The following AHNAK2 variants were observed in gnomAD, a reference collection of about 807,000 sequenced individuals.
AHNAK2 encodes AHNAK nucleoprotein 2.
Under a neutral mutation model 30.7 loss-of-function variants are expected in AHNAK2, and 18 were observed. The observed-to-expected ratio is 0.59, with a 90% CI of 0.41 to 0.87. The LOEUF (loss-of-function observed/expected upper bound fraction) is 0.87, where lower values mean the gene tolerates loss of function less well. Among genes scored for constraint, AHNAK2 ranks in the 40% least tolerant of loss-of-function variants. The probability of loss-of-function intolerance (pLI) is 0.00; values close to 1 mark genes in which losing one functional copy is unlikely to be tolerated. For synonymous variants in AHNAK2, 3,590 were observed against 3,073.8 expected (o/e 1.17, Z -5.56); for missense variants, 8,604 against 7,373.0 (o/e 1.17, Z -6.11).
chr14:104,977,069 CCAGA>C (rs200417954), intron 1 of AHNAK2, among the ~76,000 whole-genome samples: 2,498 of 152,284 alleles, frequency 0.016, 26 homozygotes, highest in Middle Eastern at 0.027. Context: ...TAAGTGCGCA[CCAGA>C]CAGACAGGCC....
In AHNAK2 at chr14:104,947,426, C is replaced by T. The variant is rs558272382; in HGVS notation, c.8025G>A (p.Glu2675=). The change falls in exon 7 of 7, where the codon GAG becomes GAA. Residue 2675 remains glutamate, a synonymous_variant. Coordinates refer to ENST00000333244, the MANE Select transcript of AHNAK2 (RefSeq NM_138420.4). Reference sequence around the variant, plus strand: ...GGCTCATGTCGGCTTCCACCTTCAGCTCAGACACATCCACCAACGCCTCGA... The same window carrying T: ...GGCTCATGTCGGCTTCCACCTTCAGTTCAGACACATCCACCAACGCCTCGA... ...ESIEALVDVS[E]LKVEADMSLP... 44 of 1,612,646 alleles carry T rather than the reference C, an allele frequency of 2.7e-5. 1 individual carries two copies. The South Asian group carries it at 3.1e-4, about 11-fold the overall frequency.
Position 104,951,524 on chromosome 14 carries a change from C to G in AHNAK2, c.3927G>C (p.Gln1309His), listed in dbSNP as rs1898711122. The G allele has an allele frequency of 8.0e-7, 1 of 1,248,234 alleles. No homozygotes were observed. Among genetic ancestry groups the G allele is most frequent in the Non-Finnish European group, 1.1e-6 (1 of 881,414 alleles). 77.3% of individuals were successfully genotyped at this position (1,248,234 alleles called of 1,614,324 possible). Residue 1309 changes from glutamine (Q) to histidine (H), a missense_variant, in exon 7 of 7, where the codon CAG becomes CAC. Gln to His is a conservative substitution (Grantham distance 24, BLOSUM62 0). Transcript: ENST00000333244. ...QAPGAKLDGA[Q>H]LDGDLSLADK... ...CAGCCAGGGACAGGTCCCCGTCCAG[C>G]TGTGCGCCATCCAACTTGGCTCCCG...
At chr14:104,973,594 G>A (rs1899528969) in intron 1 of AHNAK2, among the ~76,000 whole-genome samples, 1 of 152,152 alleles carries the variant, frequency 6.6e-6, no homozygotes, top group Non-Finnish European at 1.5e-5. Context: ...GCCCAGTAAG[G>A]GTCCCCCAAG....
In AHNAK2 at chr14:104,950,672, C is replaced by G. The variant is rs2013457; in HGVS notation, c.4779G>C (p.Gly1593=). The G allele has an allele frequency of 1.1e-3, 1,718 of 1,580,352 alleles. 208 individuals carry two copies. Among genetic ancestry groups the G allele is most frequent in the South Asian group, 6.2e-3 (553 of 89,062 alleles). ...TGGGGCCCTTAACATCTATCTGGGG[C>G]CCCTTGAGGTCCACTTTGGGCATCT... ...SFKMPKVDLK[G]PQIDVKGPKL... Residue 1593 remains glycine (G), a synonymous_variant, in exon 7 of 7, where the codon GGG becomes GGC. Transcript: ENST00000333244.
In AHNAK2 at chr14:104,952,908, G is replaced by C. The variant is rs748446038; in HGVS notation, c.2543C>G (p.Pro848Arg). 6.2e-7 allele frequency: 1 copy of C among 1,611,896 alleles called. No homozygotes were observed. Residue 848 changes from proline (P) to arginine (R), a missense_variant, in exon 7 of 7, where the codon CCA (proline) becomes CGA (arginine). Physicochemically the swap from Pro to Arg is moderately radical, Grantham distance 103. Coordinates refer to ENST00000333244, the MANE Select transcript of AHNAK2 (RefSeq NM_138420.4). The stretch of plus-strand genomic sequence containing the variant: ...CACCGAGTCCTCCATGGACTTGCCT[G>C]GGGCCGACACCCCGAATGATGGCAT... The part of the protein sequence containing the change: ...FKMPSFGVSA[P>R]GKSMEDSVDV...
rs745777927 is a variant in AHNAK2 at position 104,946,304 on chromosome 14, G to A, written c.9147C>T (p.Gly3049=). ...TGAGGCCAGCTCCCTCGGGAACGTG[G>A]CCCTCTGGGAGCTTCAGGTCCACCT... ...AGQVDLKLPE[G]HVPEGAGLKG... Residue 3049 remains glycine, a synonymous_variant, in exon 7 of 7, where the codon GGC becomes GGT. Transcript: ENST00000333244. The A allele has an allele frequency of 4.3e-6, 7 of 1,612,122 alleles. No homozygotes were observed. In the South Asian group the frequency reaches 7.7e-5, roughly 18 times the overall value.
chr14:104,957,592 AC>A, intron 2 of AHNAK2, 21 bp downstream of exon 2: 1 of 1,607,684 alleles, frequency 6.2e-7, no homozygotes, highest in East Asian at 2.2e-5. Context: ...AGGAGGACAC[AC>A]TTCCTCCTGC....
intron 1 of AHNAK2, among the ~76,000 whole-genome samples, chr14:104,961,610 G>T (rs887383937): frequency 2.0e-5 from 3 of 151,924 alleles, no homozygotes; most frequent in African/African-American, 7.2e-5. Context: ...AAATATTCAG[G>T]GTATAAAGCA....
In AHNAK2 at chr14:104,974,597, G is replaced by A. The variant is rs900799424; in HGVS notation, c.55+3586C>T. ...TTCTGTGCCCCCTAAGGCTGCACTGGCCACAAAAATGGGATTCACATTTGT... is the reference window on the plus strand; with the variant it reads ...TTCTGTGCCCCCTAAGGCTGCACTGACCACAAAAATGGGATTCACATTTGT... On this transcript the variant is annotated intron_variant, in intron 1 of 6. Coordinates refer to ENST00000333244, the MANE Select transcript of AHNAK2 (RefSeq NM_138420.4). 2.0e-5 allele frequency among the ~76,000 whole-genome samples: 3 copies of A among 152,218 alleles called. No individual in the cohort carries two copies. In the East Asian group the frequency reaches 5.8e-4, roughly 29 times the overall value.
Position 104,941,444 on chromosome 14 carries a change from T to C in AHNAK2, c.14007A>G (p.Glu4669=). 1 of 1,612,724 alleles carries C rather than the reference T, an allele frequency of 6.2e-7. No individual in the cohort carries two copies. Among genetic ancestry groups the C allele is most frequent in the African/African-American group, 1.3e-5 (1 of 75,046 alleles). The stretch of plus-strand genomic sequence containing the variant: ...GAAGATCACCTTCATGAACAACAGA[T>C]TCCACAATGGGAAATGTGGAAGTCT... The part of the protein sequence containing the change: ...HEKTSTFPIV[E]SVVHEGDLHD... Residue 4669 remains glutamate (E), a synonymous_variant, in exon 7 of 7, where the codon GAA becomes GAG. Coordinates refer to ENST00000333244, the MANE Select transcript of AHNAK2 (RefSeq NM_138420.4).
In AHNAK2 at chr14:104,978,315, G is replaced by A. The variant is rs953304811; in HGVS notation, c.-78C>T. On this transcript the variant is annotated 5_prime_UTR_variant, in exon 1 of 7. Transcript: ENST00000333244. Reference sequence around the variant, plus strand: ...CCCGGCTCCGGCGCACGGGGCGGGCGGGCGGGAGCCGCGCTCTGCCCCGCT... The same window carrying A: ...CCCGGCTCCGGCGCACGGGGCGGGCAGGCGGGAGCCGCGCTCTGCCCCGCT... 3.4e-6 allele frequency: 3 copies of A among 882,042 alleles called. No homozygotes were observed. Among genetic ancestry groups the A allele is most frequent in the Non-Finnish European group, 4.2e-6 (3 of 712,432 alleles). The allele number at this position is 882,042 out of a possible 1,614,324, so 54.6% of individuals were successfully genotyped here. A position where few individuals can be genotyped will look rare whatever the true frequency, so the allele number is the denominator to read the frequency against.
intron 4 of AHNAK2, 147 bp downstream of exon 4, chr14:104,956,441 G>T: frequency 1.4e-6 from 1 of 735,956 alleles, no homozygotes; most frequent in East Asian, 2.7e-5. Context: ...GCCTGACAAG[G>T]GGGACAAGAA....
At chr14:104,960,135 T>C (rs910212498) in intron 1 of AHNAK2, among the ~76,000 whole-genome samples, 4 of 152,236 alleles carry the variant, frequency 2.6e-5, no homozygotes, top group Admixed American at 2.0e-4. Context: ...GAACCACTTA[T>C]ATAAGGCAAC....
chr14:104,968,829 GT>G (rs1229263163), intron 1 of AHNAK2, among the ~76,000 whole-genome samples: 1 of 152,218 alleles, frequency 6.6e-6, no homozygotes, highest in East Asian at 1.9e-4. Context: ...GCTAGGGCGT[GT>G]GTGCACTTGT....
rs759751752 is a variant in AHNAK2, at chr14:104,950,123, C to G, written c.5328G>C (p.Glu1776Asp). The G allele has an allele frequency of 6.3e-6, 10 of 1,582,794 alleles. 2 individuals are homozygous for G. The Admixed American group carries it at 7.0e-5, about 11-fold the overall frequency. Reference protein sequence around the residue: ...PKLDLKGPKAEVMAPDVEVSL... With the variant: ...PKLDLKGPKADVMAPDVEVSL... ...ACACCTCCACGTCGGGGGCCATCAC[C>G]TCCGCCTTGGGGCCTTTCAGGTCCA... Residue 1776 changes from glutamate to aspartate, a missense_variant, in exon 7 of 7, where the codon GAG (glutamate) becomes GAC (aspartate). Glu to Asp is a conservative substitution (Grantham distance 45). Coordinates refer to ENST00000333244, the MANE Select transcript of AHNAK2 (RefSeq NM_138420.4).
At chr14:104,967,092 G>A (rs923018095) in intron 1 of AHNAK2, among the ~76,000 whole-genome samples, 1 of 152,166 alleles carries the variant, frequency 6.6e-6, no homozygotes, top group Non-Finnish European at 1.5e-5. Context: ...TCATGAGTGG[G>A]GAGGGGCTCC....
rs1899293297 is a variant in AHNAK2 at position 104,966,058 on chromosome 14, C to G, written c.56-8386G>C. ...TTCCTTGCCCTTCTGCAAGATGGCT[C>G]ACAGCCCAGGTCCCCTCTGGCTCTG... On this transcript the variant is annotated intron_variant, in intron 1 of 6. Coordinates refer to ENST00000333244, the MANE Select transcript of AHNAK2 (RefSeq NM_138420.4). This position sits in a 1 kb window ranked among gnomAD's most constrained non-coding sequence, Gnocchi z 4.3. Among the ~76,000 whole-genome samples the G allele has an allele frequency of 6.6e-6, 1 of 152,214 alleles. No individual in the cohort carries two copies. The highest frequency in any genetic ancestry group is 2.4e-5 in the African/African-American group (1 of 41,448).
rs750501006 is a variant in AHNAK2 at position 104,944,836 on chromosome 14, C to T, written c.10615G>A (p.Val3539Met). 1.2e-6 allele frequency: 2 copies of T among 1,612,708 alleles called. No homozygotes were observed. Among genetic ancestry groups the T allele is most frequent in the South Asian group, 2.2e-5 (2 of 91,020 alleles). Reference sequence around the variant, plus strand: ...GGCACGGGGCCCTCCAGGAGTTCCACATCCACTTGGACAGCCTGGACCTCC... The same window carrying T: ...GGCACGGGGCCCTCCAGGAGTTCCATATCCACTTGGACAGCCTGGACCTCC... Reference protein sequence around the residue: ...DLEVQAVQVDVELLEGPVPEG... With the variant: ...DLEVQAVQVDMELLEGPVPEG... The change falls in exon 7 of 7, where the codon GTG becomes ATG. Residue 3539 changes from valine (V) to methionine (M), a missense_variant. By Grantham distance (21) the Val-to-Met change is conservative. Transcript: ENST00000333244.
chr14:104,972,340 G>A (rs1367443417), intron 1 of AHNAK2, among the ~76,000 whole-genome samples: 1 of 152,188 alleles, frequency 6.6e-6, no homozygotes, highest in East Asian at 1.9e-4. Flanking sequence ...CTCTCACCTG[G>A]GAACGCTGTT....
Sources: gnomAD v4.1 joint callset for allele counts (sites outside exome capture counted in the v4.1 genomes callset) on GRCh38, gnomAD v4.1.1 for gene constraint, Gnocchi (gnomAD v3.1) non-coding constraint, MANE v1.5 for transcripts, NCBI Gene and HGNC (gene_info 2026-07-23, HGNC 2026-07-21) for gene names.